The following MTIF3 variants were observed in gnomAD, a reference collection of about 807,000 sequenced individuals.
The protein encoded by MTIF3 is translation initiation factor IF-3, mitochondrial.
Under a neutral mutation model 20.7 loss-of-function variants are expected in MTIF3, and 13 were observed. The ratio of observed to expected loss-of-function variants is 0.63; its 90% confidence interval spans 0.41 to 1.00. MTIF3 has a LOEUF of 1.00. Ranked by LOEUF, MTIF3 falls within the 50% of genes least tolerant of loss-of-function variation. The pLI, the probability that MTIF3 is intolerant of heterozygous loss-of-function variation, is 0.00. For missense variants in MTIF3, 295 were observed against 324.5 expected (o/e 0.91, Z 0.70); for synonymous variants, 114 against 112.5 (o/e 1.01, Z -0.08).
rs150880108 is a variant in MTIF3, at chr13:27,443,755, A to G, written c.-2+1333T>C. On this transcript the variant is annotated intron_variant, in intron 2 of 4. Transcript: ENST00000381120. Reference sequence around the variant, plus strand: ...TTTCAAAATTTGATTTTTTTCAAACAAGCAAACAAAATAACTAGATATAGG... The same window carrying G: ...TTTCAAAATTTGATTTTTTTCAAACGAGCAAACAAAATAACTAGATATAGG... 3.2e-3 allele frequency among the ~76,000 whole-genome samples: 489 copies of G among 152,254 alleles called. 2 individuals carry two copies. The highest frequency in any genetic ancestry group is 0.011 in the African/African-American group (466 of 41,570).
rs73438730 is a variant in MTIF3, at chr13:27,439,503, A to G, written c.460+486T>C. On this transcript the variant is annotated intron_variant, in intron 3 of 4. Coordinates refer to ENST00000381120, the MANE Select transcript of MTIF3 (RefSeq NM_152912.5). Reference sequence around the variant, plus strand: ...AGGCAGAGACTCATCTCAAAAAAATAAAAAGGTGCTTCCAGATAATTAACC... The same window carrying G: ...AGGCAGAGACTCATCTCAAAAAAATGAAAAGGTGCTTCCAGATAATTAACC... Among the ~76,000 whole-genome samples, 659 of 152,254 alleles carry G rather than the reference A, an allele frequency of 4.3e-3. 8 individuals are homozygous for G. Among genetic ancestry groups the G allele is most frequent in the African/African-American group, 0.015 (622 of 41,534 alleles).
intron 1 of MTIF3, 84 bp downstream of exon 1, chr13:27,450,425 C>T (rs943331437): frequency 2.0e-5 from 3 of 152,394 alleles, no homozygotes; most frequent in Admixed American, 6.5e-5. Flanking sequence ...TTCCGGGTGC[C>T]TCCTCCACAG....
At chr13:27,448,788 A>G (rs1566090088) in intron 1 of MTIF3, among the ~76,000 whole-genome samples, 1 of 152,224 alleles carries the variant, frequency 6.6e-6, no homozygotes, top group African/African-American at 2.4e-5. Flanking sequence ...CTGTAATCCC[A>G]GCACTTTGGG....
intron 4 of MTIF3, among the ~76,000 whole-genome samples, chr13:27,436,564 A>G (rs1953761931): frequency 6.6e-6 from 1 of 152,164 alleles, no homozygotes; most frequent in South Asian, 2.1e-4. Flanking sequence ...GGGTTATTCT[A>G]CAATTTATAA....
At chr13:27,438,509 T>TTTA (rs1555259812) in intron 3 of MTIF3, among the ~76,000 whole-genome samples, 2 of 123,606 alleles carry the variant, frequency 1.6e-5, no homozygotes, top group African/African-American at 5.8e-5. Context: ...TTTTTTTTTT[T>TTTA]AAACACAGGG....
At chr13:27,447,365 G>C (rs999936837) in intron 1 of MTIF3, among the ~76,000 whole-genome samples, 2 of 152,032 alleles carry the variant, frequency 1.3e-5, no homozygotes, top group Non-Finnish European at 2.9e-5. Context: ...GCCTCTGTGA[G>C]GTAAACAACA....
At chr13:27,440,757 T>C (rs1476689670) in intron 2 of MTIF3, among the ~76,000 whole-genome samples, 2 of 152,112 alleles carry the variant, frequency 1.3e-5, no homozygotes, top group African/African-American at 4.8e-5. Flanking sequence ...TGATCTCATT[T>C]GACTACTTAG....
At chr13:27,449,587 C>T (rs930458601) in intron 1 of MTIF3, among the ~76,000 whole-genome samples, 1 of 152,178 alleles carries the variant, frequency 6.6e-6, no homozygotes, top group Admixed American at 6.5e-5. Context: ...CCAGTTCTCC[C>T]ATCCCTCCCC....
At chr13:27,445,375 C>T (rs1441904796) in intron 1 of MTIF3, among the ~76,000 whole-genome samples, 1 of 151,840 alleles carries the variant, frequency 6.6e-6, no homozygotes, top group Non-Finnish European at 1.5e-5. Flanking sequence ...ACTGGGGAGG[C>T]TGAGGAAGGA....
chr13:27,448,037 C>T (rs1757711472), intron 1 of MTIF3, among the ~76,000 whole-genome samples: 1 of 149,604 alleles, frequency 6.7e-6, no homozygotes, highest in African/African-American at 2.5e-5. Context: ...AGCTGTATTC[C>T]CTGTATAATT....
At position 27,437,010 on chromosome 13, in the gene MTIF3, C is replaced by G. The variant is rs111226673; in HGVS notation, c.618+106G>C. The G allele has an allele frequency of 9.1e-4, 1,119 of 1,230,356 alleles. 12 individuals are homozygous for G. In the African/African-American group the frequency reaches 0.015, roughly 17 times the overall value. 76.2% of individuals were successfully genotyped at this position (1,230,356 alleles called of 1,614,324 possible). A position where few individuals can be genotyped will look rare whatever the true frequency, so the allele number is the denominator to read the frequency against. Reference sequence around the variant, plus strand: ...TCGTGATCCGCCCACCTTGGCCTCCCAAAATGCTGGGATTACAGGCGTGAG... The same window carrying G: ...TCGTGATCCGCCCACCTTGGCCTCCGAAAATGCTGGGATTACAGGCGTGAG... On this transcript the variant is annotated intron_variant, in intron 4 of 4. Transcript: ENST00000381120.
chr13:27,436,029 A>T (rs1322978255), intron 4 of MTIF3, 136 bp from the exon 5 acceptor site: 2 of 650,174 alleles, frequency 3.1e-6, no homozygotes, highest in Non-Finnish European at 5.3e-6. Context: ...ATCAGTTCAT[A>T]CGTATCTGGT....
Position 27,435,887 on chromosome 13 carries a change from TCTC to T in MTIF3, c.622_624del (p.Glu208del), listed in dbSNP as rs758412376. On this transcript the variant is annotated inframe_deletion, in exon 5 of 5. Coordinates refer to ENST00000381120, the MANE Select transcript of MTIF3 (RefSeq NM_152912.5). Reference sequence around the variant, plus strand: ...ATAGTCTGGAGTATTTGATGAAATATCTCCTCCTAAAAAAGGGAAACAGCCAAA... The same window carrying T: ...ATAGTCTGGAGTATTTGATGAAATATCTCCTAAAAAAGGGAAACAGCCAAA... 2 of 1,609,306 alleles carry T rather than the reference TCTC, an allele frequency of 1.2e-6. No individual in the cohort carries two copies. Among genetic ancestry groups the T allele is most frequent in the East Asian group, 2.2e-5 (1 of 44,838 alleles).
rs950226591 is a variant in MTIF3 at position 27,437,172 on chromosome 13, G to A, written c.562C>T (p.Leu188=). ...CCTTTCTTTATGGTAATCTGGACTA[G>A]GTGTTTTTTCTTAATCCACTGCTGA... The part of the protein sequence containing the change: ...QIQQWIKKKH[L]VQITIKKGKN... The change falls in exon 4 of 5, where the codon CTA becomes TTA. Residue 188 remains leucine, a synonymous_variant. Coordinates refer to ENST00000381120, the MANE Select transcript of MTIF3 (RefSeq NM_152912.5). 6 of 1,613,886 alleles carry A rather than the reference G, an allele frequency of 3.7e-6. No individual in the cohort carries two copies. The highest frequency in any genetic ancestry group is 1.7e-5 in the Admixed American group (1 of 60,000).
intron 2 of MTIF3, among the ~76,000 whole-genome samples, chr13:27,444,103 A>C (rs1452287342): frequency 6.6e-6 from 1 of 152,164 alleles, no homozygotes; most frequent in Non-Finnish European, 1.5e-5. Flanking sequence ...GGAGATCGAG[A>C]CCATCCTGGC....
intron 3 of MTIF3, among the ~76,000 whole-genome samples, chr13:27,437,925 G>C (rs1593187345): frequency 1.6e-5 from 2 of 123,548 alleles, no homozygotes; most frequent in African/African-American, 5.1e-5. Context: ...AACTCATTAA[G>C]AAAAAAAGGC....
chr13:27,441,753 G>A (rs1954008796), intron 2 of MTIF3, among the ~76,000 whole-genome samples: 1 of 152,164 alleles, frequency 6.6e-6, no homozygotes, highest in African/African-American at 2.4e-5. Flanking sequence ...GGAGAGGTGT[G>A]ACTTGTCAAA....
chr13:27,444,340 T>C (rs1372869142), intron 2 of MTIF3, among the ~76,000 whole-genome samples: 1 of 151,958 alleles, frequency 6.6e-6, no homozygotes, highest in Non-Finnish European at 1.5e-5. Context: ...ACACTGGAAG[T>C]ATATAACTTT....
chr13:27,436,935 T>TA (rs1953789978), intron 4 of MTIF3, among the ~76,000 whole-genome samples, 181 bp downstream of exon 4: 1 of 151,988 alleles, frequency 6.6e-6, no homozygotes, highest in South Asian at 2.1e-4. Context: ...GTATTTTTAG[T>TA]AGAGACGGGG....
Sources: allele counts gnomAD v4.1 joint callset (sites outside exome capture counted in the v4.1 genomes callset), GRCh38; gene constraint gnomAD v4.1.1; transcripts MANE v1.5; gene names NCBI Gene and HGNC (gene_info 2026-07-23, HGNC 2026-07-21).